The following YTHDC2 variants were observed in gnomAD, a reference collection of about 807,000 sequenced individuals.
The protein encoded by YTHDC2 is YTH N6-methyladenosine RNA binding protein C2.
YTHDC2 carries 45 observed loss-of-function variants against 174.9 expected under a neutral mutation model. The ratio of observed to expected loss-of-function variants is 0.26; its 90% CI spans 0.20 to 0.33. YTHDC2 has a LOEUF of 0.33. Among genes scored for constraint, YTHDC2 ranks in the 10% least tolerant of loss-of-function variants. The pLI, the probability that YTHDC2 is intolerant of heterozygous loss-of-function variation, is 1.00. For synonymous variants in YTHDC2, 657 were observed against 574.5 expected (o/e 1.14, Z -2.05); for missense variants, 1,650 against 1,723.7 (o/e 0.96, Z 0.76).
rs548386543 is a variant in YTHDC2, at chr5:113,594,315, A to G, written c.*841A>G. 4 of 152,104 alleles carry G rather than the reference A, an allele frequency of 2.6e-5. No homozygotes were observed. The East Asian group carries it at 7.7e-4, about 29-fold the overall frequency. 9.4% of individuals were successfully genotyped at this position (152,104 alleles called of 1,614,324 possible). On this transcript the variant is annotated 3_prime_UTR_variant, in exon 30 of 30. Coordinates refer to ENST00000161863, the MANE Select transcript of YTHDC2 (RefSeq NM_022828.5). ...TAATTATGACCTTTTTGTTTTGGCT[A>G]CAACTTGATTGAAACAAGTTCAAAA...
Position 113,581,374 on chromosome 5 carries a change from A to G in YTHDC2, c.3355-43A>G, listed in dbSNP as rs373084294. The G allele has an allele frequency of 4.7e-6, 7 of 1,505,284 alleles. No individual in the cohort carries two copies. In the African/African-American group the frequency reaches 9.8e-5, roughly 21 times the overall value. 93.2% of individuals were successfully genotyped at this position (1,505,284 alleles called of 1,614,324 possible). A position where few individuals can be genotyped will look rare whatever the true frequency, so the allele number is the denominator to read the frequency against. ...ACTAATCAACACATAGGTGTTTTGC[A>G]TATGTGATATTCATTTGCTTGTATC... On this transcript the variant is annotated intron_variant, in intron 24 of 29. Transcript: ENST00000161863.
chr5:113,537,360 TC>T (rs1370788329), intron 7 of YTHDC2, among the ~76,000 whole-genome samples: 12 of 109,104 alleles, frequency 1.1e-4, no homozygotes, highest in African/African-American at 4.7e-4. Context: ...TGGCTCTCTC[TC>T]TTTTTTTTTT....
intron 23 of YTHDC2, among the ~76,000 whole-genome samples, chr5:113,578,478 A>G (rs1453513142): frequency 6.6e-6 from 1 of 152,158 alleles, no homozygotes; most frequent in East Asian, 1.9e-4. Flanking sequence ...TATTTAGCCT[A>G]TTGATGTGGT....
Position 113,567,217 on chromosome 5 carries a change from A to T in YTHDC2, c.2968A>T (p.Asn990Tyr), listed in dbSNP as rs373675788. The change falls in exon 22 of 30, where the codon AAT becomes TAT. Residue 990 changes from asparagine to tyrosine, a missense_variant. Around this residue, in one of 5 missense-constraint regions of YTHDC2, gnomAD observed 913 missense variants for 940.4 expected, o/e 0.97. Coordinates refer to ENST00000161863, the MANE Select transcript of YTHDC2 (RefSeq NM_022828.5). ...YPNLVHVDRE[N>Y]LVLTGPKEKK... The stretch of plus-strand genomic sequence containing the variant: ...TAATTTAGTCCACGTGGACAGAGAG[A>T]ATCTAGTGTTGACAGGGCCAAAGGA... The T allele has an allele frequency of 7.4e-6, 12 of 1,613,636 alleles. No homozygotes were observed. The highest frequency in any genetic ancestry group is 9.3e-6 in the Non-Finnish European group (11 of 1,179,858).
chr5:113,561,957 G>GGTGGGTGGGTGGGTGTGTGTGTGTGTGT (rs1347716150), intron 18 of YTHDC2, among the ~76,000 whole-genome samples: 1 of 134,872 alleles, frequency 7.4e-6, no homozygotes, highest in African/African-American at 2.9e-5. Flanking sequence ...ATTAATTGTG[G>GGTGGGTGGGTGGGTGTGTGTGTGTGTGT]GTGTGTGTGT....
rs372006653 is a variant in YTHDC2, at chr5:113,532,857, G to A, written c.676-22G>A. 1.1e-5 allele frequency: 17 copies of A among 1,592,678 alleles called. No individual in the cohort carries two copies. In the African/African-American group the frequency reaches 1.6e-4, roughly 15 times the overall value. ...TATTATGTGATCATGTCATCTTACA[G>A]TTTTTAAAACTTTTGTTTCAGATTC... On this transcript the variant is annotated intron_variant, in intron 4 of 29. Transcript: ENST00000161863.
At chr5:113,591,348 A>C in intron 27 of YTHDC2, 104 bp downstream of exon 27, 1 of 1,168,696 alleles carries the variant, frequency 8.6e-7, no homozygotes, top group Non-Finnish European at 1.2e-6. Context: ...GAATGCAAGA[A>C]TGCCTTTTGC....
Position 113,581,570 on chromosome 5 carries a change from C to T in YTHDC2, c.3508C>T (p.Gln1170Ter). Reference sequence around the variant, plus strand: ...CACTGAAGAACAGTCTGCAGGTTTACAACAACCATCTGGGATTGGCCAAAG... The same window carrying T: ...CACTGAAGAACAGTCTGCAGGTTTATAACAACCATCTGGGATTGGCCAAAG... ...LSTEEQSAGL[Q>*]QPSGIGQRPR... The change falls in exon 25 of 30, where the codon CAA (glutamine) becomes TAA (stop). Residue 1170 changes from glutamine to a stop codon, truncating the protein, a stop_gained. Transcript: ENST00000161863. LOFTEE classifies it high-confidence loss of function. 6.2e-7 allele frequency: 1 copy of T among 1,614,060 alleles called. No homozygotes were observed. Among genetic ancestry groups the T allele is most frequent in the Non-Finnish European group, 8.5e-7 (1 of 1,179,954 alleles).
At chr5:113,567,417 T>A in intron 22 of YTHDC2, 120 bp downstream of exon 22, 1 of 352,360 alleles carries the variant, frequency 2.8e-6, no homozygotes, top group Non-Finnish European at 4.4e-6. Flanking sequence ...TATATATATA[T>A]ATATATATAT....
At chr5:113,570,902 C>T (rs11950116) in intron 23 of YTHDC2, among the ~76,000 whole-genome samples, 13,029 of 152,198 alleles carry the variant, frequency 0.086, 1,150 homozygotes, top group African/African-American at 0.22. Context: ...GATCTACCAC[C>T]TCGGCCTCCC....
intron 2 of YTHDC2, among the ~76,000 whole-genome samples, chr5:113,523,273 A>G (rs375337599): frequency 3.9e-5 from 6 of 152,268 alleles, no homozygotes; most frequent in Middle Eastern, 3.4e-3. Context: ...AAAATTAACA[A>G]TTGTACAGTG....
At chr5:113,570,689 C>T (rs936460805) in intron 23 of YTHDC2, among the ~76,000 whole-genome samples, 4 of 151,968 alleles carry the variant, frequency 2.6e-5, no homozygotes, top group Admixed American at 6.6e-5. Flanking sequence ...CTCACTTTGC[C>T]GCCCAGGTTG....
chr5:113,543,409 T>C (rs1165936872), intron 10 of YTHDC2, among the ~76,000 whole-genome samples: 1 of 152,206 alleles, frequency 6.6e-6, no homozygotes, highest in African/African-American at 2.4e-5. Flanking sequence ...CCTATTTACT[T>C]TGCATTCTAA....
At chr5:113,593,151 T>C in intron 28 of YTHDC2, 152 bp from the exon 29 acceptor site, 1 of 545,756 alleles carries the variant, frequency 1.8e-6, no homozygotes. Flanking sequence ...AGCAAAGAAT[T>C]AGAACAATTC....
chr5:113,528,117 C>T (rs1214761930), intron 4 of YTHDC2, among the ~76,000 whole-genome samples: 10 of 151,986 alleles, frequency 6.6e-5, no homozygotes, highest in Admixed American at 2.6e-4. Flanking sequence ...ATGGAAGTTT[C>T]GATAAAATGT....
Position 113,514,042 on chromosome 5 carries a change from C to T in YTHDC2, c.147C>T (p.Val49=), listed in dbSNP as rs759492286. Residue 49 remains valine (V), a synonymous_variant, in exon 1 of 30, where the codon GTC becomes GTT. Coordinates refer to ENST00000161863, the MANE Select transcript of YTHDC2 (RefSeq NM_022828.5). ...TTGATGAGGAGGTGAAGATCGCAGTCAATATCGCGCTGGAGCGCTTCCGAT... is the reference window on the plus strand; with the variant it reads ...TTGATGAGGAGGTGAAGATCGCAGTTAATATCGCGCTGGAGCGCTTCCGAT... The part of the protein sequence containing the change: ...IRIDEEVKIA[V]NIALERFRYG... 2 of 1,612,134 alleles carry T rather than the reference C, an allele frequency of 1.2e-6. No individual in the cohort carries two copies. Among genetic ancestry groups the T allele is most frequent in the South Asian group, 1.1e-5 (1 of 90,646 alleles).
rs534575116 is a variant in YTHDC2, at chr5:113,514,778, A to G, written c.188-494A>G. Reference sequence around the variant, plus strand: ...TAAAAAAAGAGAAAGCCTCAGCAATATATAACAAATCCCTCTGAAATAGTG... The same window carrying G: ...TAAAAAAAGAGAAAGCCTCAGCAATGTATAACAAATCCCTCTGAAATAGTG... On this transcript the variant is annotated intron_variant, in intron 1 of 29. Coordinates refer to ENST00000161863, the MANE Select transcript of YTHDC2 (RefSeq NM_022828.5). Among the ~76,000 whole-genome samples, 12 of 152,354 alleles carry G rather than the reference A, an allele frequency of 7.9e-5. No homozygotes were observed. The South Asian group carries it at 1.7e-3, about 21-fold the overall frequency.
At position 113,564,065 on chromosome 5, in the gene YTHDC2, G is replaced by C. The variant is rs1038436434; in HGVS notation, c.2649G>C (p.Met883Ile). ...PTQASQKRAA[M>I]LCRKRFTAGA... ...AGGCCTCTCAAAAACGTGCAGCTAT[G>C]CTTTGTAGGAAACGTTTTACTGCAG... The change falls in exon 20 of 30, where the codon ATG becomes ATC. Residue 883 changes from methionine (M) to isoleucine (I), a missense_variant. By Grantham distance (10) the Met-to-Ile change is conservative. Coordinates refer to ENST00000161863, the MANE Select transcript of YTHDC2 (RefSeq NM_022828.5). 9 of 1,613,996 alleles carry C rather than the reference G, an allele frequency of 5.6e-6. No individual in the cohort carries two copies. Among genetic ancestry groups the C allele is most frequent in the African/African-American group, 1.3e-5 (1 of 74,920 alleles).
intron 26 of YTHDC2, among the ~76,000 whole-genome samples, chr5:113,588,430 C>A (rs924836275): frequency 2.6e-5 from 4 of 151,728 alleles, no homozygotes; most frequent in African/African-American, 9.7e-5. Flanking sequence ...GGGTATTATT[C>A]TGTAGTTCTT....
Sources: allele counts gnomAD v4.1 joint callset (sites outside exome capture counted in the v4.1 genomes callset), GRCh38; gene constraint gnomAD v4.1.1; regional missense constraint gnomAD v4.1.1; transcripts MANE v1.5; gene names NCBI Gene and HGNC (gene_info 2026-07-23, HGNC 2026-07-21).